Variants in CNNM2 observed in about 807,000 individuals in gnomAD.
The protein encoded by CNNM2 is metal transporter CNNM2.
A neutral mutation model predicts 66.9 loss-of-function variants in CNNM2; 12 were observed. The observed-to-expected ratio is 0.18, with a 90% CI of 0.11 to 0.29. The LOEUF (loss-of-function observed/expected upper bound fraction) is 0.29, where lower values mean the gene tolerates loss of function less well. Ranked by LOEUF, CNNM2 falls within the 10% of genes least tolerant of loss-of-function variation. The pLI, the probability that CNNM2 is intolerant of heterozygous loss-of-function variation, is 1.00. For missense variants in CNNM2, 705 were observed against 1,167.7 expected (o/e 0.60, Z 5.77); for synonymous variants, 557 against 501.8 (o/e 1.11, Z -1.47).
intron 1 of CNNM2, among the ~76,000 whole-genome samples, chr10:102,971,814 T>C (rs2063551295): frequency 6.6e-6 from 1 of 152,246 alleles, no homozygotes; most frequent in Admixed American, 6.5e-5. Context: ...TATATTCATC[T>C]TTAACATATT....
intron 1 of CNNM2, among the ~76,000 whole-genome samples, chr10:102,963,025 T>C (rs1314311006): frequency 1.3e-5 from 2 of 152,162 alleles, no homozygotes; most frequent in Admixed American, 1.3e-4. Context: ...TATGTGTAGG[T>C]ACATTTTCAC....
intron 4 of CNNM2, among the ~76,000 whole-genome samples, chr10:103,067,197 C>T (rs2065493637): frequency 1.3e-5 from 2 of 151,612 alleles, no homozygotes; most frequent in African/African-American, 4.9e-5. Context: ...TCAAGTAATC[C>T]TCCCAAGTAG....
At chr10:102,949,483 G>C (rs1330124614) in intron 1 of CNNM2, among the ~76,000 whole-genome samples, 1 of 151,344 alleles carries the variant, frequency 6.6e-6, no homozygotes, top group Non-Finnish European at 1.5e-5. Flanking sequence ...CGGTAGTAGT[G>C]ATTTAAATGG....
chr10:103,000,339 A>C (rs2134254505), intron 1 of CNNM2, among the ~76,000 whole-genome samples: 1 of 152,312 alleles, frequency 6.6e-6, no homozygotes, highest in Admixed American at 6.5e-5. Context: ...AGTTAAAAAT[A>C]GAATTACCGT....
At position 102,927,346 on chromosome 10, in the gene CNNM2, A is replaced by G. The variant is rs751253090; in HGVS notation, c.1621+7245A>G. 108 of 1,613,842 alleles carry G rather than the reference A, an allele frequency of 6.7e-5. No individual in the cohort carries two copies. The highest frequency in any genetic ancestry group is 8.7e-5 in the Non-Finnish European group (103 of 1,179,922). ...TTCATCTCTTTTTGTTTTTCTCAGA[A>G]CACACAAACAAGAAACCCAAATCAT... On this transcript the variant is annotated intron_variant, in intron 1 of 7. Coordinates refer to ENST00000369878, the MANE Select transcript of CNNM2 (RefSeq NM_017649.5).
chr10:102,975,144 GT>G (rs1313858086), intron 1 of CNNM2, among the ~76,000 whole-genome samples: 1 of 152,102 alleles, frequency 6.6e-6, no homozygotes, highest in Non-Finnish European at 1.5e-5. Context: ...GTAGAAGATG[GT>G]AAACTTCCTG....
intron 1 of CNNM2, among the ~76,000 whole-genome samples, chr10:103,007,181 A>C (rs1158127584): frequency 2.0e-5 from 3 of 152,184 alleles, no homozygotes; most frequent in Admixed American, 6.5e-5. Context: ...CTTCAAAAGC[A>C]GGGAGGGCCT....
At chr10:103,008,090 C>G (rs2064263166) in intron 1 of CNNM2, among the ~76,000 whole-genome samples, 1 of 151,960 alleles carries the variant, frequency 6.6e-6, no homozygotes, top group Non-Finnish European at 1.5e-5. Context: ...AGTTTGTGTT[C>G]TGGATCTCTT....
intron 1 of CNNM2, among the ~76,000 whole-genome samples, chr10:102,982,188 A>G (rs778144000): frequency 6.6e-6 from 1 of 152,150 alleles, no homozygotes; most frequent in Non-Finnish European, 1.5e-5. Context: ...TTGCCTTTTT[A>G]TATTAGGTAA....
intron 1 of CNNM2, among the ~76,000 whole-genome samples, chr10:103,046,890 G>A (rs1390267386): frequency 6.6e-6 from 1 of 152,168 alleles, no homozygotes; most frequent in Non-Finnish European, 1.5e-5. Context: ...TCCATACATA[G>A]TAATTTATTA....
intron 1 of CNNM2, among the ~76,000 whole-genome samples, chr10:102,944,979 GTTT>G (rs111973848): frequency 7.1e-6 from 1 of 140,654 alleles, no homozygotes. Flanking sequence ...TTTGTTTTTT[GTTT>G]TTTTTTTTGG....
At chr10:103,028,814 C>CTTTTTTTTTTTTCTTTTT (rs2064759605) in intron 1 of CNNM2, among the ~76,000 whole-genome samples, 21 of 126,162 alleles carry the variant, frequency 1.7e-4, no homozygotes, top group Non-Finnish European at 2.1e-4. Context: ...TTTTCTTTTT[C>CTTTTTTTTTTTTCTTTTT]TTTTTTTTTT....
intron 1 of CNNM2, among the ~76,000 whole-genome samples, chr10:103,012,400 C>G (rs1342441942): frequency 1.3e-5 from 2 of 152,162 alleles, no homozygotes; most frequent in Non-Finnish European, 2.9e-5. Context: ...AATCCCAGCA[C>G]TTTGGGAGGC....
intron 1 of CNNM2, among the ~76,000 whole-genome samples, chr10:102,997,699 G>T (rs1344399493): frequency 6.6e-6 from 1 of 152,046 alleles, no homozygotes; most frequent in African/African-American, 2.4e-5. Context: ...ACCATTATAA[G>T]GTCCCATATG....
intron 1 of CNNM2, among the ~76,000 whole-genome samples, chr10:103,007,828 C>T (rs1000017527): frequency 6.6e-6 from 1 of 152,154 alleles, no homozygotes; most frequent in African/African-American, 2.4e-5. Context: ...TGACGTACAT[C>T]CTCAGCTTAT....
At chr10:102,953,189 T>C (rs1290375449) in intron 1 of CNNM2, among the ~76,000 whole-genome samples, 1 of 152,238 alleles carries the variant, frequency 6.6e-6, no homozygotes, top group East Asian at 1.9e-4. Context: ...TCAGTTTTTA[T>C]TTAGATTGTT....
chr10:103,000,209 G>A (rs1307755248), intron 1 of CNNM2, among the ~76,000 whole-genome samples: 3 of 151,550 alleles, frequency 2.0e-5, no homozygotes, highest in South Asian at 2.1e-4. Context: ...GCACTCCAGC[G>A]TGTGTGACAA....
rs1162441440 is a variant in CNNM2, at chr10:103,068,614, CT to C, written c.2074-11del. On this transcript the variant is annotated splice_polypyrimidine_tract_variant and intron_variant, in intron 4 of 7. Transcript: ENST00000369878. ...TTGCAACTGGACTGAAAATACCTGC[CT>C]TTTCTCTCCACAGGGGAAAGTGGAA... 1 of 1,602,994 alleles carries C rather than the reference CT, an allele frequency of 6.2e-7. No individual in the cohort carries two copies. Among genetic ancestry groups the C allele is most frequent in the Non-Finnish European group, 8.5e-7 (1 of 1,173,974 alleles).
intron 1 of CNNM2, among the ~76,000 whole-genome samples, chr10:102,922,589 A>G (rs757907327): frequency 1.3e-5 from 2 of 152,174 alleles, no homozygotes; most frequent in Non-Finnish European, 2.9e-5. Context: ...AAACAACCCC[A>G]ACAATACCAA....
Sources: gnomAD v4.1 joint callset for allele counts (sites outside exome capture counted in the v4.1 genomes callset) on GRCh38, gnomAD v4.1.1 for gene constraint, MANE v1.5 for transcripts, NCBI Gene and HGNC (gene_info 2026-07-23, HGNC 2026-07-21) for gene names.